The following NCAM1 variants were observed in gnomAD, a reference collection of about 807,000 sequenced individuals.
The protein encoded by NCAM1 is antigen recognized by monoclonal antibody 5.1H11.
Under a neutral mutation model 109.8 loss-of-function variants are expected in NCAM1, and 14 were observed. The observed-to-expected ratio is 0.13, with a 90% CI of 0.08 to 0.20. The LOEUF is 0.20. Ranked by LOEUF, NCAM1 falls within the 10% of genes least tolerant of loss-of-function variation. The pLI is 1.00. For synonymous variants in NCAM1, 418 were observed against 442.9 expected (o/e 0.94, Z 0.70); for missense variants, 774 against 1,109.9 (o/e 0.70, Z 4.30).
intron 17 of NCAM1, chr11:113,262,766 G>A (rs543945726): frequency 1.2e-4 from 180 of 1,481,290 alleles, no homozygotes; most frequent in East Asian, 3.5e-4. Flanking sequence ...CACCTTGGAC[G>A]TCACTGGGAC....
At chr11:113,223,578 C>T (rs182493562) in intron 9 of NCAM1, among the ~76,000 whole-genome samples, 180 of 152,288 alleles carry the variant, frequency 1.2e-3, no homozygotes, top group African/African-American at 4.1e-3. Flanking sequence ...CCTGTTCTTG[C>T]GTACATTCAT....
chr11:112,988,598 C>T (rs1951373096), intron 1 of NCAM1, among the ~76,000 whole-genome samples: 1 of 151,994 alleles, frequency 6.6e-6, no homozygotes, highest in African/African-American at 2.4e-5. Flanking sequence ...GTTTTAAATC[C>T]AGCACTTTGA....
intron 1 of NCAM1, among the ~76,000 whole-genome samples, chr11:113,164,299 A>T (rs1404553521): frequency 1.3e-5 from 2 of 152,156 alleles, no homozygotes; most frequent in Admixed American, 6.5e-5. Context: ...CTGACATGAG[A>T]TGTTGGGGCA....
chr11:113,137,204 A>G (rs1941632662), intron 1 of NCAM1, among the ~76,000 whole-genome samples: 1 of 152,256 alleles, frequency 6.6e-6, no homozygotes, highest in Non-Finnish European at 1.5e-5. Context: ...CTTCAAGACC[A>G]GCAAATAAAA....
At chr11:113,155,421 A>T (rs1942372690) in intron 1 of NCAM1, among the ~76,000 whole-genome samples, 1 of 152,034 alleles carries the variant, frequency 6.6e-6, no homozygotes. Flanking sequence ...AGACAGGAGA[A>T]TCACTTGAAC....
At chr11:113,083,155 G>A (rs1938918635) in intron 1 of NCAM1, among the ~76,000 whole-genome samples, 1 of 151,970 alleles carries the variant, frequency 6.6e-6, no homozygotes, top group Non-Finnish European at 1.5e-5. Context: ...CTGGCCATGT[G>A]GTGGGGTGTG....
At chr11:113,048,814 A>G (rs1354959536) in intron 1 of NCAM1, among the ~76,000 whole-genome samples, 1 of 152,190 alleles carries the variant, frequency 6.6e-6, no homozygotes, top group African/African-American at 2.4e-5. Context: ...TAAAGCTTCT[A>G]TCACTTAGGT....
At chr11:112,975,576 A>G (rs1178892361) in intron 1 of NCAM1, among the ~76,000 whole-genome samples, 1 of 152,014 alleles carries the variant, frequency 6.6e-6, no homozygotes, top group East Asian at 1.9e-4. Flanking sequence ...GTGTAAGTGA[A>G]AGTTACTCAT....
intron 2 of NCAM1, 74 bp from the exon 3 acceptor site, chr11:113,204,212 G>A: frequency 8.0e-7 from 1 of 1,247,446 alleles, no homozygotes; most frequent in Admixed American, 2.1e-5. Context: ...TTACTGATCA[G>A]CCACTGTCAG....
chr11:113,162,636 G>A (rs1218588771), intron 1 of NCAM1, among the ~76,000 whole-genome samples: 1 of 152,168 alleles, frequency 6.6e-6, no homozygotes, highest in Non-Finnish European at 1.5e-5. Flanking sequence ...GAATTGCTGT[G>A]GAGGGATAGC....
intron 16 of NCAM1, among the ~76,000 whole-genome samples, chr11:113,259,700 CTTTTTTTTTTT>C (rs61638375): frequency 7.1e-5 from 8 of 113,472 alleles, no homozygotes; most frequent in Non-Finnish European, 1.3e-4. Flanking sequence ...CCCATCATTG[CTTTTTTTTTTT>C]TTTTTTTTTG....
chr11:113,012,574 T>C (rs1162662753), intron 1 of NCAM1, among the ~76,000 whole-genome samples: 1 of 152,152 alleles, frequency 6.6e-6, no homozygotes, highest in Non-Finnish European at 1.5e-5. Context: ...CCTTGACAGC[T>C]CTAGGGAAGT....
At chr11:113,112,013 C>G (rs1555093812) in intron 1 of NCAM1, among the ~76,000 whole-genome samples, 1 of 152,178 alleles carries the variant, frequency 6.6e-6, no homozygotes, top group African/African-American at 2.4e-5. Context: ...AACATGGTTG[C>G]TTTAACTGAA....
chr11:113,110,740 T>C (rs1555093517), intron 1 of NCAM1, among the ~76,000 whole-genome samples: 1 of 152,156 alleles, frequency 6.6e-6, no homozygotes, highest in South Asian at 2.1e-4. Flanking sequence ...CGAAATGTCT[T>C]GAATTTAGTT....
intron 1 of NCAM1, among the ~76,000 whole-genome samples, chr11:113,061,289 G>A (rs1555083405): frequency 6.6e-6 from 1 of 151,994 alleles, no homozygotes; most frequent in Non-Finnish European, 1.5e-5. Flanking sequence ...AAAAAAAATG[G>A]TTAATTTACT....
At chr11:113,062,930 T>C (rs1937743157) in intron 1 of NCAM1, among the ~76,000 whole-genome samples, 1 of 152,068 alleles carries the variant, frequency 6.6e-6, no homozygotes, top group Non-Finnish European at 1.5e-5. Context: ...ATCATACCAC[T>C]GCACTCCAGC....
chr11:113,185,993 A>G (rs1391512706), intron 1 of NCAM1, among the ~76,000 whole-genome samples: 2 of 152,234 alleles, frequency 1.3e-5, no homozygotes, highest in Non-Finnish European at 2.9e-5. Flanking sequence ...TTTGGGGACC[A>G]TTAGACTGGT....
At chr11:113,057,695 A>G (rs1369322693) in intron 1 of NCAM1, among the ~76,000 whole-genome samples, 1 of 152,212 alleles carries the variant, frequency 6.6e-6, no homozygotes, top group Non-Finnish European at 1.5e-5. Context: ...GAAGTCATAG[A>G]TAACCCCTAG....
At chr11:112,996,674 T>C (rs1951605435) in intron 1 of NCAM1, among the ~76,000 whole-genome samples, 1 of 152,196 alleles carries the variant, frequency 6.6e-6, no homozygotes, top group South Asian at 2.1e-4. Context: ...GCAGTTGTTT[T>C]ATTCTGCATT....
Sources: allele counts gnomAD v4.1 joint callset (sites outside exome capture counted in the v4.1 genomes callset), GRCh38; gene constraint gnomAD v4.1.1; transcripts MANE v1.5; gene names NCBI Gene and HGNC (gene_info 2026-07-23, HGNC 2026-07-21).